ALDH6A1: variants seen among roughly 807,000 people sequenced by gnomAD.
ALDH6A1 encodes the protein aldehyde dehydrogenase 6 family member A1.
In ALDH6A1, 43 loss-of-function variants were observed where a neutral mutation model predicts 62.6. The observed-to-expected ratio is 0.69, with a 90% CI of 0.54 to 0.89. The LOEUF (loss-of-function observed/expected upper bound fraction) is 0.89, where lower values mean the gene tolerates loss of function less well. Among genes scored for constraint, ALDH6A1 ranks in the 40% least tolerant of loss-of-function variants. ALDH6A1 has a pLI of 0.00. For synonymous variants in ALDH6A1, 194 were observed against 234.2 expected, an observed-to-expected ratio of 0.83 and a Z score of 1.57; for missense variants, 551 against 661.3, an observed-to-expected ratio of 0.83 and a Z score of 1.83.
Position 74,064,895 on chromosome 14 carries a change from A to C in ALDH6A1, c.1430T>G (p.Val477Gly). 1.2e-6 allele frequency: 2 copies of C among 1,614,096 alleles called. No individual in the cohort carries two copies. The highest frequency in any genetic ancestry group is 1.7e-6 in the Non-Finnish European group (2 of 1,179,988). The change falls in exon 11 of 12, where the codon GTG (valine) becomes GGG (glycine). Residue 477 changes from valine (V) to glycine (G), a missense_variant. Physicochemically the swap from Val to Gly is moderately radical, Grantham distance 109 (BLOSUM62 -3). Transcript: ENST00000553458. ...GGTGAATGAGAACATTGGCAAAGGCACTGGAATGGGGACATTCACTCCCAC... is the reference window on the plus strand; with the variant it reads ...GGTGAATGAGAACATTGGCAAAGGCCCTGGAATGGGGACATTCACTCCCAC... Reference protein sequence around the residue: ...GQVGVNVPIPVPLPMFSFTGS... With the variant: ...GQVGVNVPIPGPLPMFSFTGS...
Position 74,084,366 on chromosome 14 carries a change from A to G in ALDH6A1, c.29T>C (p.Val10Ala). MAALLAAAA[V>A]RARILQVSSK... ...ACTCGCCTGCAGGATCCGGGCTCGC[A>G]CTGCCGCCGCCGCCAATAGCGCCGC... Residue 10 changes from valine to alanine, a missense_variant, in exon 1 of 12, where the codon GTG becomes GCG. Transcript: ENST00000553458. 3 of 1,613,042 alleles carry G rather than the reference A, an allele frequency of 1.9e-6. No individual in the cohort carries two copies. Among genetic ancestry groups the G allele is most frequent in the Non-Finnish European group, 2.5e-6 (3 of 1,179,814 alleles).
At chr14:74,079,984 G>T (rs1415890329) in intron 1 of ALDH6A1, among the ~76,000 whole-genome samples, 1 of 152,158 alleles carries the variant, frequency 6.6e-6, no homozygotes. Flanking sequence ...GCTACAGTGA[G>T]CTGCGATTGT....
At chr14:74,072,949 G>A (rs994162081) in intron 2 of ALDH6A1, among the ~76,000 whole-genome samples, 1 of 151,978 alleles carries the variant, frequency 6.6e-6, no homozygotes, top group Non-Finnish European at 1.5e-5. Flanking sequence ...ACAGACACCC[G>A]CCACAACACC....
chr14:74,071,724 AG>A lies in ALDH6A1; in HGVS notation c.427+171del, dbSNP rs559349454. ...GGAAGATCATTTGAGTAAAGAGTAA[AG>A]TAAATCAGTCTTAGGGATACTGAAT... On this transcript the variant is annotated intron_variant, in intron 5 of 11. Transcript: ENST00000553458. 3,235 of 1,460,518 alleles carry A rather than the reference AG, an allele frequency of 2.2e-3. 18 individuals carry two copies. The highest frequency in any genetic ancestry group is 0.019 in the Middle Eastern group (85 of 4,476). The allele number at this position is 1,460,518 out of a possible 1,614,324, so 90.5% of individuals were successfully genotyped here.
intron 11 of ALDH6A1, among the ~76,000 whole-genome samples, chr14:74,062,844 A>G (rs2060377385): frequency 1.3e-5 from 2 of 152,220 alleles, no homozygotes; most frequent in South Asian, 4.1e-4. Context: ...GGAGACTTGT[A>G]TAACAAAACA....
At position 74,072,087 on chromosome 14, in the gene ALDH6A1, T is replaced by C. The variant is rs1033134482; in HGVS notation, c.349-113A>G. 5.7e-6 allele frequency: 9 copies of C among 1,571,356 alleles called. No individual in the cohort carries two copies. In the African/African-American group the frequency reaches 9.5e-5, roughly 17 times the overall value. The stretch of plus-strand genomic sequence containing the variant: ...AGATGCAGTACAAGGGAGAGAGTCA[T>C]GATCAACGTCTCTGCATACTGCAGA... On this transcript the variant is annotated intron_variant, in intron 4 of 11. Transcript: ENST00000553458.
intron 11 of ALDH6A1, among the ~76,000 whole-genome samples, chr14:74,062,224 G>A (rs1365828126): frequency 2.6e-5 from 4 of 151,816 alleles, no homozygotes; most frequent in Non-Finnish European, 5.9e-5. Flanking sequence ...GGAGAGGGTG[G>A]GCAGGGAACA....
chr14:74,076,871 G>A (rs1251802801), intron 1 of ALDH6A1, among the ~76,000 whole-genome samples: 10 of 152,070 alleles, frequency 6.6e-5, no homozygotes, highest in African/African-American at 2.4e-4. Context: ...TATCAAAGTT[G>A]ATTTAAGAAA....
chr14:74,069,320 T>C, intron 6 of ALDH6A1: 1 of 335,176 alleles, frequency 3.0e-6, no homozygotes, highest in Non-Finnish European at 5.8e-6. Context: ...GCCAGGCTGG[T>C]CTTGAACTCC....
chr14:74,070,760 G>A (rs774695928), intron 6 of ALDH6A1: 35 of 186,228 alleles, frequency 1.9e-4, no homozygotes, highest in Non-Finnish European at 3.2e-4. Flanking sequence ...CTCAAAGGGT[G>A]ATTATAAAGA....
Position 74,082,408 on chromosome 14 carries a change from T to TTG in ALDH6A1, c.48+1938_48+1939insCA, listed in dbSNP as rs1205574418. Among the ~76,000 whole-genome samples the TTG allele has an allele frequency of 2.1e-4, 30 of 142,036 alleles. 2 individuals carry two copies. In the East Asian group the frequency reaches 4.8e-3, roughly 23 times the overall value. The allele number at this position is 142,036 out of a possible 152,430, so 93.2% of individuals were successfully genotyped here. ...CAAAATCGAGGTTTTTTTTTTTTTT[T>TTG]TTTTTTTTTTTGATGGAGTCTTGCT... On this transcript the variant is annotated intron_variant, in intron 1 of 11. Transcript: ENST00000553458.
chr14:74,064,556 T>G, intron 11 of ALDH6A1: 1 of 801,598 alleles, frequency 1.2e-6, no homozygotes, highest in East Asian at 2.5e-5. Context: ...GGGAAGAGGG[T>G]CACACACTCA....
At chr14:74,070,885 C>A in intron 6 of ALDH6A1, 1 of 350,986 alleles carries the variant, frequency 2.8e-6, no homozygotes, top group South Asian at 2.9e-5. Context: ...TGCAAATTCT[C>A]TGAATTAAAT....
At chr14:74,061,070 C>T (rs1483700828) in intron 11 of ALDH6A1, among the ~76,000 whole-genome samples, 1 of 151,906 alleles carries the variant, frequency 6.6e-6, no homozygotes, top group African/African-American at 2.4e-5. Context: ...CTCTGCCTCC[C>T]GGGTTCAAGC....
chr14:74,078,646 G>A (rs956268942), intron 1 of ALDH6A1, among the ~76,000 whole-genome samples: 5 of 152,156 alleles, frequency 3.3e-5, no homozygotes, highest in African/African-American at 1.2e-4. Flanking sequence ...TCCTGCCTCA[G>A]CTTTCTGAGT....
rs75199385 is a variant in ALDH6A1, at chr14:74,060,075, G to A, written c.*567C>T. On this transcript the variant is annotated 3_prime_UTR_variant, in exon 12 of 12. Transcript: ENST00000553458. ...CTATGTTTGAGGATCAACCAAAAGC[G>A]GTGAGTTATTTCTGTCCTGTTTCCC... 5.1e-4 allele frequency: 81 copies of A among 157,384 alleles called. 2 individuals are homozygous for A. In the East Asian group the frequency reaches 0.014, roughly 27 times the overall value. 9.7% of individuals were successfully genotyped at this position (157,384 alleles called of 1,614,324 possible).
At position 74,072,248 on chromosome 14, in the gene ALDH6A1, G is replaced by A; in HGVS notation, c.303C>T (p.Arg101=). The A allele has an allele frequency of 1.2e-6, 2 of 1,614,228 alleles. No homozygotes were observed. The highest frequency in any genetic ancestry group is 8.5e-7 in the Non-Finnish European group (1 of 1,180,042). The change falls in exon 4 of 12, where the codon CGC becomes CGT. Residue 101 remains arginine (R), a synonymous_variant. Transcript: ENST00000553458. ...GTTGATAGCGGAGCAAGACCTGCTG[G>A]CGGCTTAATACTGAAGTGTCTGCCC... ...PAWADTSVLS[R]QQVLLRYQQL...
chr14:74,072,116 A>G (rs2060558352), intron 4 of ALDH6A1, 87 bp downstream of exon 4: 3 of 1,595,150 alleles, frequency 1.9e-6, no homozygotes, highest in Non-Finnish European at 2.6e-6. Context: ...CTGCAGAGTA[A>G]GGGAGGGTGG....
intron 2 of ALDH6A1, among the ~76,000 whole-genome samples, chr14:74,074,599 C>A (rs2060591732): frequency 6.6e-6 from 1 of 152,102 alleles, no homozygotes; most frequent in Admixed American, 6.6e-5. Context: ...AAATGGTGAC[C>A]TACTGTGGTA....
Sources: allele counts gnomAD v4.1 joint callset (sites outside exome capture counted in the v4.1 genomes callset), GRCh38; gene constraint gnomAD v4.1.1; transcripts MANE v1.5; gene names NCBI Gene and HGNC (gene_info 2026-07-23, HGNC 2026-07-21).